SPON1: variants seen among roughly 807,000 people sequenced by gnomAD.
The protein encoded by SPON1 is spondin-1.
In SPON1, 52 loss-of-function variants were observed where a neutral mutation model predicts 111.7. The ratio of observed to expected loss-of-function variants is 0.47; its 90% CI spans 0.37 to 0.59. SPON1 has a LOEUF of 0.59. SPON1 is among the 20% of genes least tolerant of loss of function. The pLI is 0.00. For synonymous variants in SPON1, 410 were observed against 395.8 expected, an observed-to-expected ratio of 1.04 and a Z score of -0.43; for missense variants, 957 against 1,068.5, an observed-to-expected ratio of 0.90 and a Z score of 1.46.
At chr11:14,113,949 G>T (rs1012837547) in intron 5 of SPON1, among the ~76,000 whole-genome samples, 4 of 152,104 alleles carry the variant, frequency 2.6e-5, no homozygotes, top group African/African-American at 9.7e-5. Flanking sequence ...GTTTATATGT[G>T]TATAGGGTAC....
chr11:14,094,927 G>A (rs1849086895), intron 5 of SPON1, among the ~76,000 whole-genome samples: 1 of 152,150 alleles, frequency 6.6e-6, no homozygotes, highest in African/African-American at 2.4e-5. Flanking sequence ...AAGTGGTAAT[G>A]GAGAAAATTG....
intron 6 of SPON1, among the ~76,000 whole-genome samples, chr11:14,185,895 G>A (rs1383097082): frequency 6.6e-6 from 1 of 152,202 alleles, no homozygotes; most frequent in Non-Finnish European, 1.5e-5. Context: ...AAAGTGGAAG[G>A]AAGACTGGGC....
At chr11:13,994,672 C>G (rs1848257895) in intron 2 of SPON1, among the ~76,000 whole-genome samples, 1 of 152,156 alleles carries the variant, frequency 6.6e-6, no homozygotes, top group Admixed American at 6.5e-5. Context: ...TGCACGAGTA[C>G]AAGATGAGAG....
intron 5 of SPON1, among the ~76,000 whole-genome samples, chr11:14,125,139 C>G (rs902598149): frequency 6.6e-6 from 1 of 152,326 alleles, no homozygotes; most frequent in East Asian, 1.9e-4. Flanking sequence ...CAAGCTGTGT[C>G]CTGGGCAGCA....
chr11:14,240,844 G>A (rs939672146), intron 6 of SPON1, among the ~76,000 whole-genome samples: 1 of 152,052 alleles, frequency 6.6e-6, no homozygotes, highest in Non-Finnish European at 1.5e-5. Flanking sequence ...CTGATATCTT[G>A]GATTTCCTTT....
chr11:14,110,869 C>T (rs115752643), intron 5 of SPON1, among the ~76,000 whole-genome samples: 146 of 152,322 alleles, frequency 9.6e-4, no homozygotes, highest in African/African-American at 3.4e-3. Context: ...GTCAAGTTGA[C>T]GTCTAATATT....
At chr11:14,016,200 C>T (rs1848442935) in intron 2 of SPON1, among the ~76,000 whole-genome samples, 1 of 152,254 alleles carries the variant, frequency 6.6e-6, no homozygotes. Context: ...CTTCCTTTCT[C>T]AGTGTTTACT....
chr11:14,259,580 CAGCGCCACCTGCGGCATGGGCATGAAGA>C lies in SPON1; in HGVS notation c.1715_1742del (p.Ala572GlyfsTer4). 6.4e-7 allele frequency: 1 copy of C among 1,554,500 alleles called. No individual in the cohort carries two copies. The highest frequency in any genetic ancestry group is 8.7e-7 in the Non-Finnish European group (1 of 1,148,956). On this transcript the variant is annotated frameshift_variant, in exon 13 of 16. Transcript: ENST00000576479. LOFTEE classifies it high-confidence loss of function. This position sits in a 1 kb window ranked among gnomAD's most constrained non-coding sequence, Gnocchi z 5.0. ...CCGAGTGGGGCGAGTGGGACGAGTG[CAGCGCCACCTGCGGCATGGGCATGAAGA>C]AGCGGCACCGCATGATCAAGATGAA...
At chr11:13,990,259 T>C (rs782294719) in intron 2 of SPON1, among the ~76,000 whole-genome samples, 2 of 152,160 alleles carry the variant, frequency 1.3e-5, no homozygotes, top group Non-Finnish European at 2.9e-5. Flanking sequence ...TTTAGGATAG[T>C]TAGCTCTTCT....
intron 3 of SPON1, among the ~76,000 whole-genome samples, chr11:14,054,640 T>G (rs1848731397): frequency 1.3e-5 from 2 of 151,844 alleles, no homozygotes; most frequent in Admixed American, 6.6e-5. Context: ...CAGTCCCAGC[T>G]CCACAGAAAA....
rs1225400076 is a variant in SPON1 at position 14,111,888 on chromosome 11, T to C, written c.677-23532T>C. ...GCTTATTTTGATTGACAAAGTGACA[T>C]GGAATTTCTAAAGTGACAAATTGAC... On this transcript the variant is annotated intron_variant, in intron 5 of 15. Coordinates refer to ENST00000576479, the MANE Select transcript of SPON1 (RefSeq NM_006108.4). Among the ~76,000 whole-genome samples, 2 of 152,052 alleles carry C rather than the reference T, an allele frequency of 1.3e-5. 1 individual carries two copies. The highest frequency in any genetic ancestry group is 4.1e-4 in the South Asian group (2 of 4,828).
At chr11:14,185,770 C>T (rs183111349) in intron 6 of SPON1, among the ~76,000 whole-genome samples, 54 of 152,334 alleles carry the variant, frequency 3.5e-4, no homozygotes, top group Middle Eastern at 3.4e-3. Context: ...TGCTGATTGA[C>T]CTCTGAACCC....
At chr11:14,149,916 C>T (rs1450621980) in intron 6 of SPON1, among the ~76,000 whole-genome samples, 10 of 120,202 alleles carry the variant, frequency 8.3e-5, no homozygotes, top group African/African-American at 3.0e-4. Context: ...TTAAGTGAGG[C>T]ATGACTGGGA....
At chr11:14,197,822 TA>T (rs767110389) in intron 6 of SPON1, among the ~76,000 whole-genome samples, 10 of 151,866 alleles carry the variant, frequency 6.6e-5, no homozygotes, top group Non-Finnish European at 1.2e-4. Flanking sequence ...TCTCAATAAA[TA>T]AACAAATAAT....
chr11:14,257,922 C>T, intron 11 of SPON1, 24 bp downstream of exon 11: 1 of 1,500,132 alleles, frequency 6.7e-7, no homozygotes, highest in Non-Finnish European at 8.9e-7. Flanking sequence ...CCAGACCAGC[C>T]AGGGGCTGGC....
chr11:14,075,756 A>G (rs918367452), intron 4 of SPON1, among the ~76,000 whole-genome samples: 2 of 152,330 alleles, frequency 1.3e-5, no homozygotes, highest in Middle Eastern at 6.8e-3. Context: ...ACCTTTAAAA[A>G]GTCTGTAATG....
chr11:14,172,843 A>G (rs1208160181), intron 6 of SPON1, among the ~76,000 whole-genome samples: 2 of 151,770 alleles, frequency 1.3e-5, no homozygotes, highest in Non-Finnish European at 2.9e-5. Context: ...TGGCTTGTAG[A>G]GTTTCTGCCA....
intron 5 of SPON1, among the ~76,000 whole-genome samples, chr11:14,089,128 T>G (rs1849030121): frequency 6.6e-6 from 1 of 152,170 alleles, no homozygotes; most frequent in Non-Finnish European, 1.5e-5. Context: ...AGCCTACTTC[T>G]GTCAATTTGT....
At chr11:14,111,058 G>T (rs146609905) in intron 5 of SPON1, among the ~76,000 whole-genome samples, 2 of 152,284 alleles carry the variant, frequency 1.3e-5, no homozygotes, top group African/African-American at 4.8e-5. Context: ...TCCATCTCTT[G>T]TAGTAATATC....
Sources: allele counts gnomAD v4.1 joint callset (sites outside exome capture counted in the v4.1 genomes callset), GRCh38; gene constraint gnomAD v4.1.1; non-coding constraint Gnocchi (gnomAD v3.1); transcripts MANE v1.5; gene names NCBI Gene and HGNC (gene_info 2026-07-23, HGNC 2026-07-21).